The following MCMDC2 variants were observed in gnomAD, a reference collection of about 807,000 sequenced individuals.
The protein encoded by MCMDC2 is minichromosome maintenance domain containing 2.
In MCMDC2, 54 loss-of-function variants were observed where a neutral mutation model predicts 75.8. The ratio of observed to expected loss-of-function variants is 0.71; its 90% CI spans 0.57 to 0.89. The LOEUF is 0.89. MCMDC2 is among the 40% of genes least tolerant of loss of function. The pLI is 0.00. For missense variants in MCMDC2, 656 were observed against 780.4 expected, an observed-to-expected ratio of 0.84 and a Z score of 1.90; for synonymous variants, 249 against 274.6, an observed-to-expected ratio of 0.91 and a Z score of 0.92.
chr8:66,901,067 A>G (rs867668104), intron 12 of MCMDC2, 139 bp from the exon 13 acceptor site: 2 of 643,624 alleles, frequency 3.1e-6, no homozygotes, highest in South Asian at 2.0e-5. Flanking sequence ...AGTGACTTCA[A>G]GATGGCCCCA....
Position 66,901,283 on chromosome 8 carries a change from A to T in MCMDC2, c.1704A>T (p.Ala568=). 1.2e-6 allele frequency: 2 copies of T among 1,614,148 alleles called. No individual in the cohort carries two copies. Among genetic ancestry groups the T allele is most frequent in the Non-Finnish European group, 1.7e-6 (2 of 1,179,972 alleles). The change falls in exon 13 of 15, where the codon GCA becomes GCT. Residue 568 remains alanine, a synonymous_variant. Transcript: ENST00000422365. ...AERMTHGYYL[A]SRRIRTGSVC... ...GAATGACCCATGGCTATTATCTAGC[A>T]AGTCGCAGAATCAGAACAGGCTCTG...
intron 4 of MCMDC2, 61 bp from the exon 5 acceptor site, chr8:66,877,288 T>G: frequency 9.3e-7 from 1 of 1,072,206 alleles, no homozygotes; most frequent in Non-Finnish European, 1.4e-6. Context: ...CTTACTATAT[T>G]GTAATACAAG....
At chr8:66,887,090 C>G (rs902479545) in intron 9 of MCMDC2, among the ~76,000 whole-genome samples, 1 of 152,032 alleles carries the variant, frequency 6.6e-6, no homozygotes, top group East Asian at 1.9e-4. Flanking sequence ...GGATGCATGT[C>G]CTTTGCCAAA....
intron 4 of MCMDC2, 54 bp downstream of exon 4, chr8:66,874,640 G>GT: frequency 2.8e-6 from 4 of 1,427,446 alleles, no homozygotes; most frequent in Non-Finnish European, 3.8e-6. Context: ...ATGATGACTT[G>GT]TAAAAAAATA....
downstream of MCMDC2, among the ~76,000 whole-genome samples, chr8:66,924,018 T>C (rs540170562): frequency 6.6e-6 from 1 of 151,876 alleles, no homozygotes; most frequent in Non-Finnish European, 1.5e-5. Context: ...ATGTAAACAA[T>C]AGATACCCTA....
intron 5 of MCMDC2, among the ~76,000 whole-genome samples, chr8:66,877,846 C>T (rs1053177564): frequency 4.7e-5 from 5 of 106,322 alleles, no homozygotes; most frequent in Non-Finnish European, 9.1e-5. Flanking sequence ...GCCTGGATGA[C>T]AAAGAGTGAC....
At chr8:66,904,269 T>C (rs1412353268) in intron 13 of MCMDC2, among the ~76,000 whole-genome samples, 1 of 152,116 alleles carries the variant, frequency 6.6e-6, no homozygotes, top group Non-Finnish European at 1.5e-5. Context: ...AAATTATGTC[T>C]CATAGCATAG....
chr8:66,885,448 T>C (rs1292599514), intron 9 of MCMDC2, among the ~76,000 whole-genome samples: 1 of 152,184 alleles, frequency 6.6e-6, no homozygotes, highest in Non-Finnish European at 1.5e-5. Context: ...ACATGTATTA[T>C]TTTTCTATGA....
intron 14 of MCMDC2, among the ~76,000 whole-genome samples, chr8:66,909,053 T>G (rs1410205225): frequency 6.6e-6 from 1 of 152,154 alleles, no homozygotes; most frequent in East Asian, 1.9e-4. Context: ...ATGGGGGCAG[T>G]TTCCCCTATG....
intron 9 of MCMDC2, among the ~76,000 whole-genome samples, chr8:66,886,030 A>G (rs1030091037): frequency 2.6e-5 from 4 of 152,124 alleles, no homozygotes; most frequent in African/African-American, 4.8e-5. Context: ...TTGGTTTTGC[A>G]TGTTTTGACT....
rs550527709 is a variant in MCMDC2 at position 66,884,295 on chromosome 8, A to G, written c.1073+301A>G. On this transcript the variant is annotated intron_variant, in intron 9 of 14. Coordinates refer to ENST00000422365, the MANE Select transcript of MCMDC2 (RefSeq NM_173518.5). ...ATTCTCTTTCTGTACTTTGTTTTGAATAGTCTTCCCCCTAAGGAACAAACT... is the reference window on the plus strand; with the variant it reads ...ATTCTCTTTCTGTACTTTGTTTTGAGTAGTCTTCCCCCTAAGGAACAAACT... 8.3e-5 allele frequency: 33 copies of G among 397,786 alleles called. No individual in the cohort carries two copies. The East Asian group carries it at 1.1e-3, about 13-fold the overall frequency. The allele number at this position is 397,786 out of a possible 1,614,324, so 24.6% of individuals were successfully genotyped here.
intron 9 of MCMDC2, among the ~76,000 whole-genome samples, chr8:66,890,118 G>T (rs2130821330): frequency 6.6e-6 from 1 of 152,268 alleles, no homozygotes; most frequent in Non-Finnish European, 1.5e-5. Flanking sequence ...CCAGGCCAGA[G>T]TGCAGTGAAG....
chr8:66,895,745 AT>A (rs1812323499), intron 10 of MCMDC2, among the ~76,000 whole-genome samples: 1 of 151,614 alleles, frequency 6.6e-6, no homozygotes, highest in Non-Finnish European at 1.5e-5. Flanking sequence ...TTTGAGATAT[AT>A]TTCCCCCCAG....
chr8:66,877,038 G>GC (rs1293478265), intron 4 of MCMDC2, among the ~76,000 whole-genome samples: 6 of 152,052 alleles, frequency 3.9e-5, no homozygotes, highest in South Asian at 2.1e-4. Flanking sequence ...GGGATTACAG[G>GC]GTGAGCCACC....
At chr8:66,880,720 C>A in intron 7 of MCMDC2, 129 bp from the exon 8 acceptor site, 1 of 959,248 alleles carries the variant, frequency 1.0e-6, no homozygotes, top group Non-Finnish European at 1.4e-6. Flanking sequence ...GGATATTATC[C>A]TAAACAAAAG....
At chr8:66,915,028 T>C (rs1813253244) in intron 14 of MCMDC2, among the ~76,000 whole-genome samples, 1 of 151,966 alleles carries the variant, frequency 6.6e-6, no homozygotes, top group Non-Finnish European at 1.5e-5. Context: ...ATTATAGATA[T>C]AACTTTGAGA....
At chr8:66,922,355 A>G (rs1260772730), downstream of MCMDC2, 1 of 325,880 alleles carries the variant, frequency 3.1e-6, no homozygotes, top group East Asian at 7.5e-5. Context: ...ATTTTTAAAC[A>G]TGACAGCTAA....
intron 4 of MCMDC2, among the ~76,000 whole-genome samples, chr8:66,876,531 C>T (rs1415874858): frequency 6.6e-6 from 1 of 152,010 alleles, no homozygotes; most frequent in Non-Finnish European, 1.5e-5. Context: ...AAGGTTGCTC[C>T]TATGTCCTTT....
chr8:66,905,022 A>C (rs1449347465), intron 13 of MCMDC2, among the ~76,000 whole-genome samples: 2 of 152,154 alleles, frequency 1.3e-5, no homozygotes, highest in Non-Finnish European at 2.9e-5. Flanking sequence ...ATGGAAACCA[A>C]AAGGATACTG....
Sources: gnomAD v4.1 joint callset for allele counts (sites outside exome capture counted in the v4.1 genomes callset) on GRCh38, gnomAD v4.1.1 for gene constraint, MANE v1.5 for transcripts, NCBI Gene and HGNC (gene_info 2026-07-23, HGNC 2026-07-21) for gene names.